Variants in DSCAM observed in about 807,000 individuals in gnomAD.
DSCAM encodes cell adhesion molecule DSCAM.
Under a neutral mutation model 217.7 loss-of-function variants are expected in DSCAM, and 47 were observed. The observed-to-expected ratio is 0.22, with a 90% CI of 0.17 to 0.28. DSCAM has a LOEUF of 0.28. Among genes scored for constraint, DSCAM ranks in the 10% least tolerant of loss-of-function variants. DSCAM has a pLI of 1.00. For missense variants in DSCAM, 2,080 were observed against 2,618.3 expected (o/e 0.79, Z 4.49); for synonymous variants, 1,056 against 1,015.3 (o/e 1.04, Z -0.76).
rs573437953 is a variant in DSCAM at position 40,474,793 on chromosome 21, C to T, written c.509-105548G>A. ...GTGCGTGCGTTCTGCCTGGGAAGGG[C>T]AGTCCGTGTCCATTAGAGACTGAGG... On this transcript the variant is annotated intron_variant, in intron 3 of 32. Transcript: ENST00000400454. 4.6e-5 allele frequency among the ~76,000 whole-genome samples: 7 copies of T among 152,292 alleles called. No homozygotes were observed. In the East Asian group the frequency reaches 1.4e-3, roughly 29 times the overall value.
intron 10 of DSCAM, 137 bp from the exon 11 acceptor site, chr21:40,276,407 T>C (rs1344588767): frequency 4.7e-6 from 3 of 634,740 alleles, no homozygotes; most frequent in Non-Finnish European, 7.0e-6. Context: ...ACACCAGGTT[T>C]TTCTTTCTTT....
chr21:40,517,276 TTG>T (rs1054783487), intron 3 of DSCAM, among the ~76,000 whole-genome samples: 30 of 149,892 alleles, frequency 2.0e-4, no homozygotes, highest in African/African-American at 6.9e-4. Flanking sequence ...ATATTTATAT[TTG>T]TGTATTTATA....
chr21:40,468,592 C>T (rs1384715182), intron 3 of DSCAM, among the ~76,000 whole-genome samples: 1 of 152,002 alleles, frequency 6.6e-6, no homozygotes, highest in Non-Finnish European at 1.5e-5. Context: ...AAGGGCTGAA[C>T]AAGGAGGGGT....
Position 40,785,894 on chromosome 21 carries a change from T to C in DSCAM, c.43+60725A>G, listed in dbSNP as rs552824860. On this transcript the variant is annotated intron_variant, in intron 1 of 32. Coordinates refer to ENST00000400454, the MANE Select transcript of DSCAM (RefSeq NM_001389.5). Reference sequence around the variant, plus strand: ...CACATACTCCCATCATCATTTTCCATTGAGATGGTATTTTTTCCCTAATGC... The same window carrying C: ...CACATACTCCCATCATCATTTTCCACTGAGATGGTATTTTTTCCCTAATGC... Among the ~76,000 whole-genome samples the C allele has an allele frequency of 3.5e-4, 53 of 152,344 alleles. 1 individual carries two copies. In the South Asian group the frequency reaches 0.01, roughly 29 times the overall value.
chr21:40,215,108 A>G (rs1281391756), intron 11 of DSCAM, among the ~76,000 whole-genome samples: 1 of 88,082 alleles, frequency 1.1e-5, no homozygotes, highest in African/African-American at 3.8e-5. Context: ...AGTCCCAGCT[A>G]CTCGGGAGGC....
intron 11 of DSCAM, among the ~76,000 whole-genome samples, chr21:40,242,352 T>C (rs1244641665): frequency 1.3e-5 from 2 of 152,218 alleles, no homozygotes; most frequent in Non-Finnish European, 2.9e-5. Context: ...GCCTGGTCCC[T>C]TGTGGTTGGA....
Position 40,641,331 on chromosome 21 carries a change from C to T in DSCAM, c.508+51479G>A, listed in dbSNP as rs182486662. Among the ~76,000 whole-genome samples, 40 of 151,804 alleles carry T rather than the reference C, an allele frequency of 2.6e-4. No homozygotes were observed. In the East Asian group the frequency reaches 3.7e-3, roughly 14 times the overall value. On this transcript the variant is annotated intron_variant, in intron 3 of 32. Transcript: ENST00000400454. Reference sequence around the variant, plus strand: ...ATGAGTGTTATACAAGGAAACGGGGCGAGAGAAAACAGACATGAGCTGGTT... The same window carrying T: ...ATGAGTGTTATACAAGGAAACGGGGTGAGAGAAAACAGACATGAGCTGGTT...
At chr21:40,764,351 GCTC>G (rs936356505) in intron 1 of DSCAM, among the ~76,000 whole-genome samples, 31 of 149,922 alleles carry the variant, frequency 2.1e-4, no homozygotes, top group African/African-American at 7.6e-4. Flanking sequence ...ATGAAAAAAA[GCTC>G]ATCATCACTG....
At chr21:40,452,802 G>A (rs2075731193) in intron 3 of DSCAM, among the ~76,000 whole-genome samples, 1 of 152,084 alleles carries the variant, frequency 6.6e-6, no homozygotes, top group Non-Finnish European at 1.5e-5. Flanking sequence ...CAAAGAAGAT[G>A]TGATCTAGGA....
rs201829541 is a variant in DSCAM at position 40,620,341 on chromosome 21, GAA to G, written c.508+72467_508+72468del. Among the ~76,000 whole-genome samples the G allele has an allele frequency of 1.3e-4, 15 of 118,902 alleles. 1 individual carries two copies. The highest frequency in any genetic ancestry group is 4.9e-4 in the East Asian group (2 of 4,068). 78.0% of individuals were successfully genotyped at this position (118,902 alleles called of 152,430 possible). On this transcript the variant is annotated intron_variant, in intron 3 of 32. Transcript: ENST00000400454. ...AAGAGAGAGAAAAAAGAAAAAGAAAGAAAGAGAAAGAGAGAGAAAAAAGAAAA... is the reference window on the plus strand; with the variant it reads ...AAGAGAGAGAAAAAAGAAAAAGAAAGAGAGAAAGAGAGAGAAAAAAGAAAA...
At chr21:40,790,048 G>A (rs1311355260) in intron 1 of DSCAM, among the ~76,000 whole-genome samples, 2 of 152,040 alleles carry the variant, frequency 1.3e-5, no homozygotes, top group Non-Finnish European at 2.9e-5. Context: ...TCTCTTTGAG[G>A]CTCAGTACAG....
chr21:40,621,946 AG>A (rs2089524378), intron 3 of DSCAM, among the ~76,000 whole-genome samples: 1 of 147,882 alleles, frequency 6.8e-6, no homozygotes, highest in Non-Finnish European at 1.5e-5. Flanking sequence ...GGAAGAAAAA[AG>A]AAAGGAAGGA....
intron 3 of DSCAM, among the ~76,000 whole-genome samples, chr21:40,671,407 G>A (rs1467254171): frequency 1.3e-5 from 2 of 152,188 alleles, no homozygotes; most frequent in Non-Finnish European, 2.9e-5. Context: ...CTGGCACAGT[G>A]GCTCATGCCT....
intron 1 of DSCAM, among the ~76,000 whole-genome samples, chr21:40,817,757 A>C: frequency 6.6e-6 from 1 of 152,300 alleles, no homozygotes; most frequent in East Asian, 1.9e-4. Flanking sequence ...TATATGACAG[A>C]GTAGAAGGTA....
At chr21:40,833,050 C>A in intron 1 of DSCAM, among the ~76,000 whole-genome samples, 1 of 152,038 alleles carries the variant, frequency 6.6e-6, no homozygotes, top group East Asian at 1.9e-4. Context: ...TAAAATAAAC[C>A]GAGAACACCC....
intron 2 of DSCAM, among the ~76,000 whole-genome samples, chr21:40,702,841 C>T (rs1323305322): frequency 1.3e-5 from 2 of 152,100 alleles, no homozygotes; most frequent in Admixed American, 1.3e-4. Flanking sequence ...TTATCACCAT[C>T]TATATTCAGG....
At chr21:40,716,577 A>AAC (rs1388138592) in intron 1 of DSCAM, among the ~76,000 whole-genome samples, 1 of 152,234 alleles carries the variant, frequency 6.6e-6, no homozygotes, top group Admixed American at 6.5e-5. Context: ...ACATCCCTGT[A>AAC]ACAGACGGCA....
intron 4 of DSCAM, 126 bp from the exon 5 acceptor site, chr21:40,353,869 AT>A: frequency 2.3e-6 from 2 of 873,972 alleles, no homozygotes; most frequent in Non-Finnish European, 3.2e-6. Flanking sequence ...GATCTTTAAG[AT>A]TTTATAAGTG....
intron 15 of DSCAM, among the ~76,000 whole-genome samples, chr21:40,168,332 C>A (rs72495586): frequency 6.6e-6 from 1 of 152,084 alleles, no homozygotes; most frequent in Admixed American, 6.5e-5. Flanking sequence ...AATGTGCTAC[C>A]TACTAGGTAC....
Sources: allele counts gnomAD v4.1 joint callset (sites outside exome capture counted in the v4.1 genomes callset), GRCh38; gene constraint gnomAD v4.1.1; transcripts MANE v1.5; gene names NCBI Gene and HGNC (gene_info 2026-07-23, HGNC 2026-07-21).